Variants in AGA observed in about 807,000 individuals in gnomAD.
AGA encodes the protein N(4)-(beta-N-acetylglucosaminyl)-L-asparaginase.
In AGA, 31 loss-of-function variants were observed where a neutral mutation model predicts 40.1. The ratio of observed to expected loss-of-function variants is 0.77; its 90% CI spans 0.58 to 1.04. AGA has a LOEUF of 1.04. Among genes scored for constraint, AGA ranks in the 50% least tolerant of loss-of-function variants. The pLI is 0.00. For missense variants in AGA, 445 were observed against 435.4 expected (o/e 1.02, Z -0.20); for synonymous variants, 148 against 144.0 (o/e 1.03, Z -0.20).
chr4:177,436,170 G>A (rs1023822926), intron 6 of AGA, 106 bp downstream of exon 6: 7 of 908,126 alleles, frequency 7.7e-6, no homozygotes, highest in East Asian at 4.9e-5. Context: ...CTCATTCATC[G>A]CAGCTGTGAG....
chr4:177,431,344 T>C lies in AGA; in HGVS notation c.*364A>G. 1 of 449,574 alleles carries C rather than the reference T, an allele frequency of 2.2e-6. No homozygotes were observed. The highest frequency in any genetic ancestry group is 6.9e-5 in the East Asian group (1 of 14,540). 27.8% of individuals were successfully genotyped at this position (449,574 alleles called of 1,614,324 possible). A position where few individuals can be genotyped will look rare whatever the true frequency, so the allele number is the denominator to read the frequency against. ...TTTCTTTGGGTCTAAAAAACTTGTA[T>C]ACTCTATTTTAAGCATCCAAATATG... On this transcript the variant is annotated 3_prime_UTR_variant, in exon 9 of 9. Transcript: ENST00000264595.
At chr4:177,441,241 G>C (rs917876548) in intron 1 of AGA, among the ~76,000 whole-genome samples, 1 of 152,104 alleles carries the variant, frequency 6.6e-6, no homozygotes, top group Non-Finnish European at 1.5e-5. Context: ...ACTGTCCCCC[G>C]CCCAGGCTGA....
At chr4:177,440,850 G>A (rs1736980529) in intron 1 of AGA, among the ~76,000 whole-genome samples, 1 of 152,104 alleles carries the variant, frequency 6.6e-6, no homozygotes, top group Non-Finnish European at 1.5e-5. Flanking sequence ...GTGTATTGAG[G>A]TAACACCTAT....
Position 177,442,355 on chromosome 4 carries a change from C to T in AGA, c.21G>A (p.Leu7=), listed in dbSNP as rs537097287. The change falls in exon 1 of 9, where the codon TTG becomes TTA. Residue 7 remains leucine, a synonymous_variant. Coordinates refer to ENST00000264595, the MANE Select transcript of AGA (RefSeq NM_000027.4). The stretch of plus-strand genomic sequence containing the variant: ...GCAGAAACGGCACGAGAAGCACAGG[C>T]AAGTTCGACTTCCGCGCCATCCCTG... MARKSN[L]PVLLVPFLLC... 3.1e-6 allele frequency: 5 copies of T among 1,613,976 alleles called. No homozygotes were observed. Among genetic ancestry groups the T allele is most frequent in the Non-Finnish European group, 4.2e-6 (5 of 1,179,968 alleles).
intron 1 of AGA, among the ~76,000 whole-genome samples, chr4:177,441,279 T>G (rs1457066094): frequency 6.6e-6 from 1 of 152,174 alleles, no homozygotes; most frequent in Non-Finnish European, 1.5e-5. Context: ...TCATTATGGC[T>G]GGGAATATCT....
intron 8 of AGA, 34 bp from the exon 9 acceptor site, chr4:177,431,842 C>G: frequency 6.5e-7 from 1 of 1,531,414 alleles, no homozygotes; most frequent in Non-Finnish European, 9.0e-7. Context: ...GTTTGGTGAA[C>G]TATAGGATGC....
At position 177,433,288 on chromosome 4, in the gene AGA, A is replaced by G; in HGVS notation, c.866T>C (p.Val289Ala). ...GEDPTIACQK[V>A]ISRIQKHFPE... Reference sequence around the variant, plus strand: ...AAAATGCTTCTGGATTCTTGAAATCACTTTTTGGCAAGCTATGGTTGGATC... The same window carrying G: ...AAAATGCTTCTGGATTCTTGAAATCGCTTTTTGGCAAGCTATGGTTGGATC... Residue 289 changes from valine to alanine, a missense_variant, in exon 8 of 9, where the codon GTG becomes GCG. Physicochemically the swap from Val to Ala is moderately conservative, Grantham distance 64. Transcript: ENST00000264595. 1 of 1,614,120 alleles carries G rather than the reference A, an allele frequency of 6.2e-7. No homozygotes were observed. Among genetic ancestry groups the G allele is most frequent in the South Asian group, 1.1e-5 (1 of 91,082 alleles).
chr4:177,430,783 C>T lies in AGA; in HGVS notation c.*925G>A, dbSNP rs889425315. ...AGCTGAAATTCTAAAGTTTGAATAT[C>T]GTACATGTACATTTATTAATGACTG... On this transcript the variant is annotated 3_prime_UTR_variant, in exon 9 of 9. Coordinates refer to ENST00000264595, the MANE Select transcript of AGA (RefSeq NM_000027.4). The T allele has an allele frequency of 4.4e-6, 2 of 450,620 alleles. No homozygotes were observed. Among genetic ancestry groups the T allele is most frequent in the African/African-American group, 2.0e-5 (1 of 49,942 alleles). The allele number at this position is 450,620 out of a possible 1,614,324, so 27.9% of individuals were successfully genotyped here. A position where few individuals can be genotyped will look rare whatever the true frequency, so the allele number is the denominator to read the frequency against.
chr4:177,439,755 C>T, intron 2 of AGA, 67 bp from the exon 3 acceptor site: 2 of 1,178,812 alleles, frequency 1.7e-6, no homozygotes, highest in Non-Finnish European at 2.5e-6. Context: ...AAAAACATTG[C>T]TTTTCTCCAA....
intron 1 of AGA, among the ~76,000 whole-genome samples, chr4:177,441,389 G>C (rs1737004283): frequency 6.6e-6 from 1 of 152,178 alleles, no homozygotes; most frequent in African/African-American, 2.4e-5. Flanking sequence ...AGCAACCTCA[G>C]ATGGAGGAGG....
chr4:177,437,547 T>A, intron 4 of AGA, 28 bp from the exon 5 acceptor site: 1 of 1,511,162 alleles, frequency 6.6e-7, no homozygotes, highest in South Asian at 1.1e-5. Context: ...GTTTTATTTC[T>A]TACAAAGGGT....
intron 4 of AGA, among the ~76,000 whole-genome samples, chr4:177,437,745 G>A (rs1736871964): frequency 2.6e-5 from 4 of 151,880 alleles, no homozygotes. Flanking sequence ...ATACAGGTGA[G>A]GTATCTATAT....
chr4:177,436,241 A>AT (rs747696754), intron 6 of AGA, 35 bp downstream of exon 6: 104 of 1,527,510 alleles, frequency 6.8e-5, no homozygotes, highest in Non-Finnish European at 9.4e-5. Flanking sequence ...CATTCAGTGT[A>AT]TATTTGAGAG....
In AGA at chr4:177,431,401, G is replaced by T; in HGVS notation, c.*307C>A. On this transcript the variant is annotated 3_prime_UTR_variant, in exon 9 of 9. Transcript: ENST00000264595. ...CCTTTTGGGTTTAATATATCACTGT[G>T]GAAATAAATCTCAAAGTAGCAATTT... 1 of 434,876 alleles carries T rather than the reference G, an allele frequency of 2.3e-6. No individual in the cohort carries two copies. The highest frequency in any genetic ancestry group is 4.3e-6 in the Non-Finnish European group (1 of 230,320). The allele number at this position is 434,876 out of a possible 1,614,324, so 26.9% of individuals were successfully genotyped here.
intron 4 of AGA, 144 bp downstream of exon 4, chr4:177,438,601 G>A: frequency 1.5e-6 from 1 of 686,336 alleles, no homozygotes; most frequent in Non-Finnish European, 2.7e-6. Flanking sequence ...ATCCATACCT[G>A]GAGAGTCAAC....
In AGA at chr4:177,431,670, T is replaced by C. The variant is rs749190185; in HGVS notation, c.*38A>G. 1 of 1,543,242 alleles carries C rather than the reference T, an allele frequency of 6.5e-7. No individual in the cohort carries two copies. The highest frequency in any genetic ancestry group is 9.0e-7 in the Non-Finnish European group (1 of 1,116,834). The stretch of plus-strand genomic sequence containing the variant: ...GAGCAGCCTTTTCAGCCTTTGTTTC[T>C]TTCTTCTTTAAATACAGATGTTGAC... On this transcript the variant is annotated 3_prime_UTR_variant, in exon 9 of 9. Transcript: ENST00000264595.
At position 177,431,303 on chromosome 4, in the gene AGA, G is replaced by A. The variant is rs1252959673; in HGVS notation, c.*405C>T. 2.2e-6 allele frequency: 1 copy of A among 447,920 alleles called. No individual in the cohort carries two copies. Among genetic ancestry groups the A allele is most frequent in the African/African-American group, 2.0e-5 (1 of 49,786 alleles). 27.7% of individuals were successfully genotyped at this position (447,920 alleles called of 1,614,324 possible). A position where few individuals can be genotyped will look rare whatever the true frequency, so the allele number is the denominator to read the frequency against. On this transcript the variant is annotated 3_prime_UTR_variant, in exon 9 of 9. Coordinates refer to ENST00000264595, the MANE Select transcript of AGA (RefSeq NM_000027.4). Reference sequence around the variant, plus strand: ...AAATTCAATCAGGACTGATCATGCTGAGACTCTGCTGTTTTTTTCTTTGGG... The same window carrying A: ...AAATTCAATCAGGACTGATCATGCTAAGACTCTGCTGTTTTTTTCTTTGGG...
intron 6 of AGA, among the ~76,000 whole-genome samples, chr4:177,435,437 T>G (rs1736779848): frequency 6.6e-6 from 1 of 152,226 alleles, no homozygotes; most frequent in African/African-American, 2.4e-5. Context: ...CAGTGACTAT[T>G]CTATTATTAC....
chr4:177,433,812 A>G (rs1409959718), intron 7 of AGA, among the ~76,000 whole-genome samples: 2 of 152,088 alleles, frequency 1.3e-5, no homozygotes, highest in Non-Finnish European at 2.9e-5. Context: ...CAATTACTAA[A>G]TAGATCATAA....
Sources: gnomAD v4.1 joint callset for allele counts (sites outside exome capture counted in the v4.1 genomes callset) on GRCh38, gnomAD v4.1.1 for gene constraint, MANE v1.5 for transcripts, NCBI Gene and HGNC (gene_info 2026-07-23, HGNC 2026-07-21) for gene names.